The following FER variants were observed in gnomAD, a reference collection of about 807,000 sequenced individuals.
FER encodes FER tyrosine kinase.
A neutral mutation model predicts 111.0 loss-of-function variants in FER; 63 were observed. The ratio of observed to expected loss-of-function variants is 0.57; its 90% CI spans 0.46 to 0.70. The LOEUF is 0.70. Ranked by LOEUF, FER falls within the 30% of genes least tolerant of loss-of-function variation. FER has a pLI of 0.00. For synonymous variants in FER, 327 were observed against 313.9 expected (o/e 1.04, Z -0.44); for missense variants, 914 against 954.0 (o/e 0.96, Z 0.55).
intron 10 of FER, among the ~76,000 whole-genome samples, chr5:108,929,516 A>G (rs937016086): frequency 2.6e-5 from 4 of 152,154 alleles, no homozygotes; most frequent in Admixed American, 6.5e-5. Context: ...ACCCAAAGCA[A>G]TGTTGGCTTT....
At chr5:109,029,752 G>A (rs950793146) in intron 13 of FER, among the ~76,000 whole-genome samples, 1 of 152,098 alleles carries the variant, frequency 6.6e-6, no homozygotes, top group Non-Finnish European at 1.5e-5. Flanking sequence ...CTGCTTTCAA[G>A]ACTCCTTGTC....
chr5:108,886,520 A>G lies in FER; in HGVS notation c.1046+3002A>G, dbSNP rs1043276695. Among the ~76,000 whole-genome samples the G allele has an allele frequency of 6.0e-5, 9 of 151,224 alleles. 1 individual carries two copies. The highest frequency in any genetic ancestry group is 3.9e-4 in the East Asian group (2 of 5,158). On this transcript the variant is annotated intron_variant, in intron 9 of 19. Coordinates refer to ENST00000281092, the MANE Select transcript of FER (RefSeq NM_005246.4). The stretch of plus-strand genomic sequence containing the variant: ...AATGTTATCTTTCTGTGCCTTTTGT[A>G]TAGTAGCCTGTGTTTTACCTTCAGG...
At chr5:109,181,813 A>C (rs1477053488) in intron 18 of FER, among the ~76,000 whole-genome samples, 5 of 152,232 alleles carry the variant, frequency 3.3e-5, no homozygotes, top group Admixed American at 2.0e-4. Flanking sequence ...CATTTAGTAC[A>C]GTTCACAATG....
chr5:108,802,143 TA>T (rs1756727180), intron 3 of FER, among the ~76,000 whole-genome samples: 1 of 152,092 alleles, frequency 6.6e-6, no homozygotes. Context: ...CTACTGAACT[TA>T]TTTTTTTTTT....
intron 10 of FER, among the ~76,000 whole-genome samples, chr5:108,898,838 A>G (rs1486346664): frequency 2.6e-5 from 4 of 151,362 alleles, no homozygotes; most frequent in Non-Finnish European, 5.9e-5. Context: ...GTGGGTAGAG[A>G]TTGGTGATGC....
At chr5:108,938,430 G>C (rs1306110289) in intron 10 of FER, among the ~76,000 whole-genome samples, 1 of 151,880 alleles carries the variant, frequency 6.6e-6, no homozygotes, top group Non-Finnish European at 1.5e-5. Context: ...GAAATGAGTT[G>C]GCCAGATATT....
chr5:108,854,133 C>T (rs575925267), intron 5 of FER, among the ~76,000 whole-genome samples: 1 of 152,280 alleles, frequency 6.6e-6, no homozygotes, highest in Non-Finnish European at 1.5e-5. Context: ...AGGTTTGTTT[C>T]CTGCAAGCAG....
chr5:109,117,429 T>G (rs763835131), intron 17 of FER, among the ~76,000 whole-genome samples: 1 of 152,154 alleles, frequency 6.6e-6, no homozygotes, highest in Non-Finnish European at 1.5e-5. Flanking sequence ...TTCTATCATT[T>G]TGTGATAAAC....
chr5:108,871,843 G>C (rs1179814066), intron 7 of FER, among the ~76,000 whole-genome samples: 2 of 151,548 alleles, frequency 1.3e-5, no homozygotes, highest in Admixed American at 1.3e-4. Flanking sequence ...CTTTTCCATG[G>C]CATCTTATTT....
chr5:109,034,212 A>G (rs1023075769), intron 13 of FER, among the ~76,000 whole-genome samples: 5 of 152,100 alleles, frequency 3.3e-5, no homozygotes, highest in Admixed American at 6.6e-5. Context: ...TTTTCTGTCT[A>G]TAACTTAGAC....
At chr5:109,052,607 C>G (rs753543310) in intron 16 of FER, 5 of 579,462 alleles carry the variant, frequency 8.6e-6, no homozygotes, top group African/African-American at 1.9e-5. Context: ...TTGTTACTTT[C>G]CTCACACCTT....
At chr5:109,074,686 A>G (rs539216417) in intron 16 of FER, among the ~76,000 whole-genome samples, 1 of 152,370 alleles carries the variant, frequency 6.6e-6, no homozygotes, top group African/African-American at 2.4e-5. Flanking sequence ...TCAAAGTACC[A>G]TTTAGAATCT....
intron 17 of FER, among the ~76,000 whole-genome samples, chr5:109,142,341 T>C (rs1382486261): frequency 6.6e-6 from 1 of 152,148 alleles, no homozygotes; most frequent in East Asian, 1.9e-4. Context: ...CTAATTCCCT[T>C]CTCTAATGTT....
At position 109,185,306 on chromosome 5, in the gene FER, G is replaced by A. The variant is rs1297251854; in HGVS notation, c.2204-894G>A. On this transcript the variant is annotated intron_variant, in intron 18 of 19. Coordinates refer to ENST00000281092, the MANE Select transcript of FER (RefSeq NM_005246.4). ...GATTTAAAGACGTTTTTGTTAGCCAGCTATGTTAATTTCCACTGTTTAAAA... is the reference window on the plus strand; with the variant it reads ...GATTTAAAGACGTTTTTGTTAGCCAACTATGTTAATTTCCACTGTTTAAAA... Among the ~76,000 whole-genome samples, 56 of 152,170 alleles carry A rather than the reference G, an allele frequency of 3.7e-4. 1 individual carries two copies. The highest frequency in any genetic ancestry group is 8.8e-5 in the Non-Finnish European group (6 of 68,030).
rs143605738 is a variant in FER, at chr5:109,070,312, C to T, written c.1924+23114C>T. ...CATGTTTTTAGACTTAAGGTCTATC[C>T]AGTTCAGTATAATATGTTGGGGAAT... On this transcript the variant is annotated intron_variant, in intron 16 of 19. Coordinates refer to ENST00000281092, the MANE Select transcript of FER (RefSeq NM_005246.4). 1.1e-4 allele frequency among the ~76,000 whole-genome samples: 16 copies of T among 151,934 alleles called. No individual in the cohort carries two copies. In the East Asian group the frequency reaches 3.1e-3, roughly 29 times the overall value.
chr5:109,086,411 C>G (rs1316531323), intron 16 of FER, among the ~76,000 whole-genome samples: 1 of 151,506 alleles, frequency 6.6e-6, no homozygotes. Flanking sequence ...GTTTTCTCCC[C>G]TTTTTTGGTG....
At chr5:108,959,377 T>G (rs761656357) in intron 13 of FER, 30 bp downstream of exon 13, 2 of 1,556,000 alleles carry the variant, frequency 1.3e-6, no homozygotes, top group Admixed American at 3.9e-5. Context: ...TTTGTCTGTT[T>G]GTTTTAAAAG....
At chr5:108,962,381 G>C (rs547426329) in intron 13 of FER, among the ~76,000 whole-genome samples, 3 of 152,264 alleles carry the variant, frequency 2.0e-5, no homozygotes, top group African/African-American at 7.2e-5. Flanking sequence ...CTTCATCAGG[G>C]AGGCCTTGTC....
In FER at chr5:109,194,965, G is replaced by C. The variant is rs1759636214; in HGVS notation, c.*7390G>C. Reference sequence around the variant, plus strand: ...ATTCAGAGCCTTAGAGGCCGAGAGGGAATCTGGAATCTGGTATTACTGAGA... The same window carrying C: ...ATTCAGAGCCTTAGAGGCCGAGAGGCAATCTGGAATCTGGTATTACTGAGA... On this transcript the variant is annotated 3_prime_UTR_variant, in exon 20 of 20. Transcript: ENST00000281092. The C allele has an allele frequency of 6.6e-6, 1 of 152,150 alleles. No individual in the cohort carries two copies. Among genetic ancestry groups the C allele is most frequent in the South Asian group, 2.1e-4 (1 of 4,828 alleles). The allele number at this position is 152,150 out of a possible 1,614,324, so 9.4% of individuals were successfully genotyped here. A position where few individuals can be genotyped will look rare whatever the true frequency, so the allele number is the denominator to read the frequency against.
Sources: gnomAD v4.1 joint callset for allele counts (sites outside exome capture counted in the v4.1 genomes callset) on GRCh38, gnomAD v4.1.1 for gene constraint, MANE v1.5 for transcripts, NCBI Gene and HGNC (gene_info 2026-07-23, HGNC 2026-07-21) for gene names.